The following NPAS2 variants were observed in gnomAD, a reference collection of about 807,000 sequenced individuals.
The protein encoded by NPAS2 is neuronal PAS domain-containing protein 2.
In NPAS2, 23 loss-of-function variants were observed where a neutral mutation model predicts 107.5. The observed-to-expected ratio is 0.21, with a 90% CI of 0.15 to 0.30. The LOEUF is 0.30. Ranked by LOEUF, NPAS2 falls within the 10% of genes least tolerant of loss-of-function variation. NPAS2 has a pLI of 1.00. For synonymous variants in NPAS2, 403 were observed against 417.5 expected (o/e 0.97, Z 0.42); for missense variants, 756 against 1,043.3 (o/e 0.72, Z 3.79).
rs963935646 is a variant in NPAS2 at position 100,840,248 on chromosome 2, A to T, written c.-23+19834A>T. Among the ~76,000 whole-genome samples the T allele has an allele frequency of 4.6e-5, 7 of 152,256 alleles. No individual in the cohort carries two copies. The East Asian group carries it at 1.4e-3, about 29-fold the overall frequency. The stretch of plus-strand genomic sequence containing the variant: ...ACAGAGACTCCTGCATGTCTGTTAC[A>T]TGGCAGTATCTAAATTTTACAGTTC... On this transcript the variant is annotated intron_variant, in intron 1 of 20. Coordinates refer to ENST00000335681, the MANE Select transcript of NPAS2 (RefSeq NM_002518.4).
At chr2:100,885,375 G>A (rs1462682414) in intron 1 of NPAS2, among the ~76,000 whole-genome samples, 3 of 152,056 alleles carry the variant, frequency 2.0e-5, no homozygotes, top group Non-Finnish European at 2.9e-5. Flanking sequence ...TTATTTCCTT[G>A]TTGGTTTCTT....
chr2:100,968,292 G>A lies in NPAS2; in HGVS notation c.919G>A (p.Gly307Ser). ...ARCHQHLMQF[G>S]KGKSCCYRFL... ...TTTTCTACCGACAGTGATGCAGTTT[G>A]GCAAAGGGAAGTCGTGTTGCTACCG... is the stretch of plus-strand genomic sequence containing the variant. The change falls in exon 11 of 21, where the codon GGC becomes AGC. Residue 307 changes from glycine to serine, a missense_variant. Gly to Ser is a moderately conservative substitution (Grantham distance 56, BLOSUM62 0). Transcript: ENST00000335681. The surrounding 1 kb of genome is among the most constrained non-coding windows in gnomAD (Gnocchi z 5.3). 1.2e-6 allele frequency: 2 copies of A among 1,614,106 alleles called. No homozygotes were observed. The highest frequency in any genetic ancestry group is 1.7e-6 in the Non-Finnish European group (2 of 1,180,004).
chr2:100,927,544 C>A (rs986626952), intron 3 of NPAS2, among the ~76,000 whole-genome samples: 17 of 152,236 alleles, frequency 1.1e-4, no homozygotes, highest in African/African-American at 3.6e-4. Context: ...AAAGAAGGAA[C>A]CTCTGTGCTG....
intron 1 of NPAS2, among the ~76,000 whole-genome samples, chr2:100,847,845 A>G (rs1049458433): frequency 6.6e-6 from 1 of 152,166 alleles, no homozygotes; most frequent in Middle Eastern, 3.2e-3. Context: ...AAAAGCCAAG[A>G]ATAGTGTAGA....
chr2:100,967,292 T>C (rs1197213574), intron 10 of NPAS2, among the ~76,000 whole-genome samples: 1 of 142,766 alleles, frequency 7.0e-6, no homozygotes, highest in East Asian at 2.3e-4. Context: ...TGTCACCCAG[T>C]CTCGGCTCGC....
intron 1 of NPAS2, among the ~76,000 whole-genome samples, chr2:100,857,297 TCA>T (rs1678639551): frequency 1.2e-5 from 1 of 85,784 alleles, no homozygotes; most frequent in African/African-American, 6.4e-5. Context: ...AAACTCCTTC[TCA>T]AAAAAAAAAA....
At chr2:100,833,314 T>C (rs994097686) in intron 1 of NPAS2, among the ~76,000 whole-genome samples, 17 of 152,184 alleles carry the variant, frequency 1.1e-4, no homozygotes, top group African/African-American at 3.9e-4. Flanking sequence ...AGGATGAGAA[T>C]CAAGAGGAGA....
chr2:100,868,181 G>A (rs1573502446), intron 1 of NPAS2, among the ~76,000 whole-genome samples: 1 of 152,322 alleles, frequency 6.6e-6, no homozygotes, highest in East Asian at 1.9e-4. Context: ...TTACTTTAGT[G>A]AGATTTTGTT....
At chr2:100,905,649 C>G (rs546142084) in intron 2 of NPAS2, among the ~76,000 whole-genome samples, 3 of 152,272 alleles carry the variant, frequency 2.0e-5, no homozygotes, top group East Asian at 3.9e-4. Context: ...ATTGCAACCC[C>G]ACTGGACCAG....
At chr2:100,875,092 TACTC>T (rs1679870486) in intron 1 of NPAS2, among the ~76,000 whole-genome samples, 1 of 152,246 alleles carries the variant, frequency 6.6e-6, no homozygotes, top group African/African-American at 2.4e-5. Flanking sequence ...AGTGGAATAT[TACTC>T]AGCCTTGAAA....
intron 1 of NPAS2, among the ~76,000 whole-genome samples, chr2:100,902,942 G>C (rs1681880176): frequency 2.0e-5 from 3 of 152,198 alleles, no homozygotes; most frequent in South Asian, 4.1e-4. Flanking sequence ...AATGGGTGTA[G>C]AGCATCCAGG....
chr2:100,993,666 T>G (rs1678275284), intron 20 of NPAS2, 139 bp downstream of exon 20: 2 of 633,876 alleles, frequency 3.2e-6, no homozygotes, highest in Non-Finnish European at 2.5e-6. Context: ...CCAGAAAGAT[T>G]GTTATTTGAT....
chr2:100,821,816 T>A (rs1676090714), intron 1 of NPAS2, among the ~76,000 whole-genome samples: 1 of 152,156 alleles, frequency 6.6e-6, no homozygotes, highest in Non-Finnish European at 1.5e-5. Context: ...AACCCCCAAA[T>A]AAATAGTGTA....
chr2:100,939,971 A>G (rs548266305), intron 5 of NPAS2, among the ~76,000 whole-genome samples: 1 of 152,346 alleles, frequency 6.6e-6, no homozygotes, highest in Admixed American at 6.5e-5. Context: ...ATGCCCAGAC[A>G]CATACAGTGA....
intron 1 of NPAS2, among the ~76,000 whole-genome samples, chr2:100,895,794 G>GC (rs1398877549): frequency 6.6e-6 from 1 of 152,116 alleles, no homozygotes; most frequent in African/African-American, 2.4e-5. Context: ...TTCAGCTGGA[G>GC]CCCCTGCCTG....
chr2:100,925,409 C>G, intron 3 of NPAS2, 115 bp downstream of exon 3: 1 of 1,131,852 alleles, frequency 8.8e-7, no homozygotes, highest in Admixed American at 2.2e-5. Flanking sequence ...CCCAGCCTTA[C>G]CGGTCGAGGG....
At chr2:100,954,822 T>A (rs1034517737) in intron 7 of NPAS2, among the ~76,000 whole-genome samples, 1 of 151,886 alleles carries the variant, frequency 6.6e-6, no homozygotes, top group African/African-American at 2.4e-5. Context: ...ATAGGTAATA[T>A]GTGTAGAAGA....
intron 1 of NPAS2, among the ~76,000 whole-genome samples, chr2:100,891,671 C>T (rs1573557992): frequency 6.6e-6 from 1 of 152,208 alleles, no homozygotes; most frequent in South Asian, 2.1e-4. Flanking sequence ...TCTGCTGCCT[C>T]AATTAGCAAT....
chr2:100,838,402 T>A (rs1047555849), intron 1 of NPAS2, among the ~76,000 whole-genome samples: 1 of 152,078 alleles, frequency 6.6e-6, no homozygotes, highest in African/African-American at 2.4e-5. Flanking sequence ...CTCCACCTCC[T>A]GAGTAGCTGG....
Sources: gnomAD v4.1 joint callset for allele counts (sites outside exome capture counted in the v4.1 genomes callset) on GRCh38, gnomAD v4.1.1 for gene constraint, Gnocchi (gnomAD v3.1) non-coding constraint, MANE v1.5 for transcripts, NCBI Gene and HGNC (gene_info 2026-07-23, HGNC 2026-07-21) for gene names.